The following SH3RF1 variants were observed in gnomAD, a reference collection of about 807,000 sequenced individuals.
SH3RF1 encodes E3 ubiquitin-protein ligase SH3RF1.
Under a neutral mutation model 74.0 loss-of-function variants are expected in SH3RF1, and 32 were observed. That is an observed-to-expected ratio of 0.43 (90% confidence interval 0.33 to 0.58). SH3RF1 has a LOEUF of 0.58. Among genes scored for constraint, SH3RF1 ranks in the 20% least tolerant of loss-of-function variants. SH3RF1 has a pLI of 0.05. For missense variants in SH3RF1, 954 were observed against 1,130.9 expected (o/e 0.84, Z 2.24); for synonymous variants, 396 against 439.6 (o/e 0.90, Z 1.24).
At chr4:169,116,674 A>G (rs1475014275) in intron 9 of SH3RF1, 44 bp from the exon 10 acceptor site, 1 of 1,504,358 alleles carries the variant, frequency 6.6e-7, no homozygotes, top group Admixed American at 2.2e-5. Flanking sequence ...CAACTATCTA[A>G]TAGATGCTGC....
At chr4:169,111,200 C>T (rs761592907) in intron 10 of SH3RF1, among the ~76,000 whole-genome samples, 6 of 150,200 alleles carry the variant, frequency 4.0e-5, no homozygotes, top group Non-Finnish European at 7.4e-5. Context: ...ACTTGGGAGG[C>T]TGAGGTGGGA....
At chr4:169,139,747 G>A (rs1733753844) in intron 4 of SH3RF1, among the ~76,000 whole-genome samples, 1 of 152,176 alleles carries the variant, frequency 6.6e-6, no homozygotes, top group Non-Finnish European at 1.5e-5. Context: ...CTGGAGTGGT[G>A]TAACAAGCCA....
At chr4:169,185,531 C>G (rs941649729) in intron 2 of SH3RF1, among the ~76,000 whole-genome samples, 2 of 152,114 alleles carry the variant, frequency 1.3e-5, no homozygotes, top group African/African-American at 4.8e-5. Flanking sequence ...AAAGGGATAA[C>G]TAACTGCTAC....
intron 2 of SH3RF1, among the ~76,000 whole-genome samples, chr4:169,238,325 A>T (rs1034800830): frequency 6.6e-6 from 1 of 152,198 alleles, no homozygotes; most frequent in African/African-American, 2.4e-5. Context: ...GCATGGAAGG[A>T]TGTGAGGAAC....
chr4:169,257,398 T>C (rs894225172), intron 2 of SH3RF1, among the ~76,000 whole-genome samples: 6 of 152,234 alleles, frequency 3.9e-5, no homozygotes, highest in African/African-American at 1.4e-4. Context: ...CAGACAGTCC[T>C]GACTTACTCC....
chr4:169,204,575 G>A (rs559810454), intron 2 of SH3RF1, among the ~76,000 whole-genome samples: 2 of 140,702 alleles, frequency 1.4e-5, no homozygotes, highest in African/African-American at 2.7e-5. Flanking sequence ...TTTTTGAGAC[G>A]GAGTCTCATT....
intron 2 of SH3RF1, among the ~76,000 whole-genome samples, chr4:169,204,552 T>C (rs949745807): frequency 1.1e-4 from 4 of 35,248 alleles, no homozygotes; most frequent in African/African-American, 2.0e-4. Context: ...TACCTTCTCT[T>C]TTTTTTTTTT....
At chr4:169,203,275 G>A (rs867733114) in intron 2 of SH3RF1, among the ~76,000 whole-genome samples, 3 of 152,180 alleles carry the variant, frequency 2.0e-5, no homozygotes, top group African/African-American at 4.8e-5. Context: ...AACTGGCCAA[G>A]CACGGTGGCT....
intron 2 of SH3RF1, among the ~76,000 whole-genome samples, chr4:169,209,500 C>T (rs1730322941): frequency 6.6e-6 from 1 of 152,056 alleles, no homozygotes; most frequent in South Asian, 2.1e-4. Context: ...GTTAACAGTC[C>T]ACCTTCCCTA....
intron 10 of SH3RF1, among the ~76,000 whole-genome samples, chr4:169,113,196 C>T (rs945036098): frequency 2.6e-5 from 4 of 151,446 alleles, no homozygotes; most frequent in Middle Eastern, 3.4e-3. Flanking sequence ...CTGCAACCTC[C>T]GACTCCCTGG....
At chr4:169,178,281 T>A (rs201059210) in intron 2 of SH3RF1, among the ~76,000 whole-genome samples, 2 of 114,022 alleles carry the variant, frequency 1.8e-5, no homozygotes, top group African/African-American at 7.6e-5. Flanking sequence ...AATTTTTTTT[T>A]AAATAAGCAA....
intron 4 of SH3RF1, among the ~76,000 whole-genome samples, chr4:169,153,470 C>T (rs780626927): frequency 1.3e-5 from 2 of 152,170 alleles, no homozygotes; most frequent in African/African-American, 4.8e-5. Flanking sequence ...AATAGGTTTA[C>T]AGAGCTAGAG....
chr4:169,116,043 C>T (rs528910125), intron 10 of SH3RF1, among the ~76,000 whole-genome samples: 5 of 152,060 alleles, frequency 3.3e-5, no homozygotes, highest in South Asian at 2.1e-4. Context: ...AAGTAGTGGG[C>T]GTTTAAACAC....
At chr4:169,113,853 G>T (rs985123383) in intron 10 of SH3RF1, among the ~76,000 whole-genome samples, 1 of 152,148 alleles carries the variant, frequency 6.6e-6, no homozygotes, top group Non-Finnish European at 1.5e-5. Context: ...AACTTCAAGG[G>T]TATAGCATTA....
chr4:169,214,145 G>T (rs180954781), intron 2 of SH3RF1, among the ~76,000 whole-genome samples: 1 of 152,142 alleles, frequency 6.6e-6, no homozygotes, highest in African/African-American at 2.4e-5. Context: ...TCATGGGGGC[G>T]CACCTCTTAT....
At chr4:169,126,622 A>G (rs1733529476) in intron 6 of SH3RF1, among the ~76,000 whole-genome samples, 5 of 152,166 alleles carry the variant, frequency 3.3e-5, no homozygotes, top group African/African-American at 9.7e-5. Flanking sequence ...AACAGCATCT[A>G]GTCCTGGCTG....
intron 2 of SH3RF1, among the ~76,000 whole-genome samples, chr4:169,233,057 T>C (rs746084175): frequency 9.9e-5 from 15 of 152,100 alleles, no homozygotes; most frequent in South Asian, 4.1e-4. Flanking sequence ...AAGACCAGCC[T>C]GGCCAACGTG....
chr4:169,200,766 AGGAAG>A (rs1734894266), intron 2 of SH3RF1, among the ~76,000 whole-genome samples: 4 of 152,208 alleles, frequency 2.6e-5, no homozygotes, highest in African/African-American at 9.6e-5. Context: ...ATCACAGATT[AGGAAG>A]ATACTTTAGA....
intron 2 of SH3RF1, among the ~76,000 whole-genome samples, chr4:169,157,153 A>C (rs1169415271): frequency 6.6e-6 from 1 of 152,250 alleles, no homozygotes; most frequent in Non-Finnish European, 1.5e-5. Flanking sequence ...AGCTTGGTTG[A>C]TAAAAATCAG....
Sources: allele counts gnomAD v4.1 joint callset (sites outside exome capture counted in the v4.1 genomes callset), GRCh38; gene constraint gnomAD v4.1.1; transcripts MANE v1.5; gene names NCBI Gene and HGNC (gene_info 2026-07-23, HGNC 2026-07-21).